The following NRG3 variants were observed in gnomAD, a reference collection of about 807,000 sequenced individuals.
NRG3 encodes the protein neuregulin 3, also known as pro-neuregulin-3, membrane-bound isoform.
In NRG3, 31 loss-of-function variants were observed where a neutral mutation model predicts 66.9. That is an observed-to-expected ratio of 0.46 (90% CI 0.35 to 0.63). The LOEUF (loss-of-function observed/expected upper bound fraction) is 0.63. Among genes scored for constraint, NRG3 ranks in the 20% least tolerant of loss-of-function variants. The pLI is 0.00. For synonymous variants in NRG3, 393 were observed against 359.4 expected (o/e 1.09, Z -1.06); for missense variants, 910 against 878.9 (o/e 1.04, Z -0.45).
Position 81,875,978 on chromosome 10 carries a change from C to A in NRG3, c.638C>A (p.Pro213Gln). The A allele has an allele frequency of 6.2e-7, 1 of 1,614,070 alleles. No individual in the cohort carries two copies. Among genetic ancestry groups the A allele is most frequent in the Non-Finnish European group, 8.5e-7 (1 of 1,180,032 alleles). ...SSTLGSRPPV[P>Q]GTPSTQAMPS... Reference sequence around the variant, plus strand: ...ACGCTGGGCTCCCGACCCCCGGTGCCAGGAACTCCAAGTACCCAGGCAATG... The same window carrying A: ...ACGCTGGGCTCCCGACCCCCGGTGCAAGGAACTCCAAGTACCCAGGCAATG... The change falls in exon 1 of 9, where the codon CCA becomes CAA. Residue 213 changes from proline (P) to glutamine (Q), a missense_variant. Physicochemically the swap from Pro to Gln is moderately conservative, Grantham distance 76 (BLOSUM62 -1). Coordinates refer to ENST00000372141, the MANE Select transcript of NRG3 (RefSeq NM_001010848.4). The surrounding 1 kb of genome is among the most constrained non-coding windows in gnomAD (Gnocchi z 5.3).
At chr10:81,879,927 C>T (rs983527053) in intron 1 of NRG3, among the ~76,000 whole-genome samples, 1 of 152,196 alleles carries the variant, frequency 6.6e-6, no homozygotes, top group African/African-American at 2.4e-5. Flanking sequence ...CCTTTAAAGG[C>T]ATCCAACGTA....
At chr10:81,955,130 TATATA>T (rs1849703461) in intron 1 of NRG3, among the ~76,000 whole-genome samples, 2 of 147,576 alleles carry the variant, frequency 1.4e-5, no homozygotes, top group South Asian at 4.2e-4. Context: ...ATATACCTGT[TATATA>T]ATATATATGT....
At chr10:82,120,384 A>G (rs2068007225) in intron 1 of NRG3, among the ~76,000 whole-genome samples, 1 of 152,144 alleles carries the variant, frequency 6.6e-6, no homozygotes, top group African/African-American at 2.4e-5. Flanking sequence ...AATCAATAGT[A>G]ATATTTAACC....
chr10:82,704,560 T>C (rs1315335512), intron 2 of NRG3, among the ~76,000 whole-genome samples: 1 of 152,216 alleles, frequency 6.6e-6, no homozygotes, highest in Non-Finnish European at 1.5e-5. Context: ...CTCGTCTTAT[T>C]ATTCCAATCC....
chr10:82,596,062 A>G (rs1398555164), intron 2 of NRG3, among the ~76,000 whole-genome samples: 1 of 152,208 alleles, frequency 6.6e-6, no homozygotes, highest in African/African-American at 2.4e-5. Context: ...TGGTATTCAA[A>G]TTATACTTTT....
chr10:82,517,763 T>C (rs1845827464), intron 2 of NRG3, among the ~76,000 whole-genome samples: 1 of 151,866 alleles, frequency 6.6e-6, no homozygotes, highest in South Asian at 2.1e-4. Context: ...TACACTGAGA[T>C]GTAGAGGTAG....
chr10:82,097,219 T>G (rs1382315053), intron 1 of NRG3, among the ~76,000 whole-genome samples: 1 of 152,026 alleles, frequency 6.6e-6, no homozygotes, highest in Admixed American at 6.6e-5. Flanking sequence ...ATTCTTTCAC[T>G]TAGCATAATG....
At chr10:82,435,528 A>G (rs2090081665) in intron 2 of NRG3, among the ~76,000 whole-genome samples, 1 of 151,820 alleles carries the variant, frequency 6.6e-6, no homozygotes, top group African/African-American at 2.4e-5. Context: ...AGATTTTTGA[A>G]TTCTGATGTT....
chr10:81,993,920 T>C (rs1478694554), intron 1 of NRG3, among the ~76,000 whole-genome samples: 1 of 152,304 alleles, frequency 6.6e-6, no homozygotes, highest in South Asian at 2.1e-4. Context: ...CTATTTAATA[T>C]AGTGTGAAGA....
At chr10:82,757,641 G>T (rs1008418310) in intron 3 of NRG3, among the ~76,000 whole-genome samples, 4 of 152,146 alleles carry the variant, frequency 2.6e-5, no homozygotes, top group Non-Finnish European at 5.9e-5. Context: ...TCATATCATT[G>T]TCATCCTAAT....
rs2054681684 is a variant in NRG3 at position 82,688,511 on chromosome 10, C to A, written c.954-50066C>A. ...AGTCTTCATGATTTTTTTTGGTTAA[C>A]AAATATTTTGGGGATTTTAATGGCC... On this transcript the variant is annotated intron_variant, in intron 2 of 8. Transcript: ENST00000372141. Among the ~76,000 whole-genome samples, 4 of 152,056 alleles carry A rather than the reference C, an allele frequency of 2.6e-5. No homozygotes were observed. The South Asian group carries it at 8.3e-4, about 31-fold the overall frequency.
At chr10:82,955,028 C>CATTCGAT (rs1307191822) in intron 5 of NRG3, among the ~76,000 whole-genome samples, 1 of 151,922 alleles carries the variant, frequency 6.6e-6, no homozygotes, top group Non-Finnish European at 1.5e-5. Context: ...CTTGAACCTC[C>CATTCGAT]ATTCGATACA....
intron 4 of NRG3, among the ~76,000 whole-genome samples, chr10:82,935,101 A>G (rs1421155933): frequency 6.6e-6 from 1 of 152,204 alleles, no homozygotes; most frequent in East Asian, 1.9e-4. Flanking sequence ...GAATACATCA[A>G]TATATTTGCC....
intron 2 of NRG3, among the ~76,000 whole-genome samples, chr10:82,432,587 T>C (rs7922063): frequency 1.3e-5 from 2 of 151,728 alleles, no homozygotes; most frequent in African/African-American, 4.8e-5. Context: ...CTGCACCTAC[T>C]GGCCCGTCCT....
intron 3 of NRG3, among the ~76,000 whole-genome samples, chr10:82,857,478 C>G (rs980779820): frequency 6.6e-6 from 1 of 152,178 alleles, no homozygotes; most frequent in Admixed American, 6.5e-5. Flanking sequence ...CTACTCTCCA[C>G]AGTGGAAAAA....
intron 1 of NRG3, among the ~76,000 whole-genome samples, chr10:82,029,765 G>A (rs1413102736): frequency 2.6e-5 from 4 of 152,064 alleles, no homozygotes; most frequent in Admixed American, 6.6e-5. Flanking sequence ...AGTGAAGATG[G>A]TAACCTTTAC....
intron 4 of NRG3, among the ~76,000 whole-genome samples, chr10:82,874,085 T>C (rs1286931968): frequency 6.6e-6 from 1 of 152,078 alleles, no homozygotes; most frequent in Non-Finnish European, 1.5e-5. Flanking sequence ...ATAAATTATA[T>C]TTATAGGTTT....
chr10:81,952,054 C>T (rs926387656), intron 1 of NRG3, among the ~76,000 whole-genome samples: 9 of 151,250 alleles, frequency 6.0e-5, no homozygotes, highest in African/African-American at 2.2e-4. Context: ...TTCTCCCTCA[C>T]AGGTGGGAAT....
chr10:82,857,798 A>T (rs911661292), intron 3 of NRG3, among the ~76,000 whole-genome samples: 3 of 152,232 alleles, frequency 2.0e-5, no homozygotes, highest in Non-Finnish European at 4.4e-5. Context: ...AAATAAAATT[A>T]TGTATTTAGT....
Sources: allele counts gnomAD v4.1 joint callset (sites outside exome capture counted in the v4.1 genomes callset), GRCh38; gene constraint gnomAD v4.1.1; non-coding constraint Gnocchi (gnomAD v3.1); transcripts MANE v1.5; gene names NCBI Gene and HGNC (gene_info 2026-07-23, HGNC 2026-07-21).